ZNF451: variants seen among roughly 807,000 people sequenced by gnomAD.
ZNF451 encodes E3 SUMO-protein ligase ZNF451.
A neutral mutation model predicts 107.1 loss-of-function variants in ZNF451; 80 were observed. The observed-to-expected ratio is 0.75, with a 90% CI of 0.62 to 0.90. ZNF451 has a LOEUF of 0.90. Ranked by LOEUF, ZNF451 falls within the 40% of genes least tolerant of loss-of-function variation. The probability of loss-of-function intolerance (pLI) is 0.00; values close to 1 mark genes in which losing one functional copy is unlikely to be tolerated. For synonymous variants in ZNF451, 362 were observed against 406.5 expected (o/e 0.89, Z 1.32); for missense variants, 1,107 against 1,236.2 (o/e 0.90, Z 1.57).
chr6:57,116,939 A>C (rs1337019604), intron 3 of ZNF451: 1 of 135,690 alleles, frequency 7.4e-6, no homozygotes, highest in East Asian at 2.2e-4. Flanking sequence ...AAAACAAAAC[A>C]AAAAAAAAAA....
intron 13 of ZNF451, 63 bp downstream of exon 13, chr6:57,154,110 C>G: frequency 6.5e-7 from 1 of 1,528,210 alleles, no homozygotes; most frequent in Non-Finnish European, 9.0e-7. Context: ...CTGAGAGAAA[C>G]CAATAAACTG....
intron 14 of ZNF451, among the ~76,000 whole-genome samples, chr6:57,167,221 T>A (rs888728192): frequency 2.0e-5 from 3 of 152,020 alleles, no homozygotes; most frequent in Non-Finnish European, 2.9e-5. Context: ...ACATATAACC[T>A]ACTATCATTT....
intron 7 of ZNF451, among the ~76,000 whole-genome samples, chr6:57,138,741 A>ATATATATATATATATG (rs1365084616): frequency 4.3e-5 from 2 of 46,586 alleles, no homozygotes; most frequent in African/African-American, 9.2e-5. Context: ...ATATATATAT[A>ATATATATATATATATG]TGTGTGTGTG....
At chr6:57,152,540 C>A (rs1309019961) in intron 12 of ZNF451, among the ~76,000 whole-genome samples, 189 bp downstream of exon 12, 1 of 152,180 alleles carries the variant, frequency 6.6e-6, no homozygotes, top group Non-Finnish European at 1.5e-5. Context: ...AAACCTTCAG[C>A]TATCCATAGT....
intron 4 of ZNF451, among the ~76,000 whole-genome samples, chr6:57,125,067 ATAAAAT>A (rs1332182049): frequency 6.6e-6 from 1 of 152,154 alleles, no homozygotes; most frequent in Non-Finnish European, 1.5e-5. Context: ...AAAAGAAAAA[ATAAAAT>A]TAACTGAGTG....
At chr6:57,095,800 T>C (rs1421475448) in intron 2 of ZNF451, among the ~76,000 whole-genome samples, 2 of 150,996 alleles carry the variant, frequency 1.3e-5, no homozygotes, top group East Asian at 1.9e-4. Flanking sequence ...TAAATATTAC[T>C]GCAGCTTTTT....
chr6:57,106,690 C>T lies in ZNF451; in HGVS notation c.186+7549C>T, dbSNP rs929280246. The T allele has an allele frequency of 1.7e-5, 17 of 981,476 alleles. No individual in the cohort carries two copies. The South Asian group carries it at 8.0e-4, about 46-fold the overall frequency. The allele number at this position is 981,476 out of a possible 1,614,324, so 60.8% of individuals were successfully genotyped here. A position where few individuals can be genotyped will look rare whatever the true frequency, so the allele number is the denominator to read the frequency against. The stretch of plus-strand genomic sequence containing the variant: ...TTTAGGTTCTCTTGTCTTTTGGAAT[C>T]TATCATTCTGTATTTAATGTTAGTG... On this transcript the variant is annotated intron_variant, in intron 3 of 14. Transcript: ENST00000370706.
chr6:57,143,180 T>C (rs954584219), intron 9 of ZNF451, among the ~76,000 whole-genome samples: 5 of 152,282 alleles, frequency 3.3e-5, no homozygotes, highest in African/African-American at 1.2e-4. Flanking sequence ...AATTATACCT[T>C]TTGATGAACA....
At chr6:57,104,601 G>GT in intron 3 of ZNF451, 1 of 983,820 alleles carries the variant, frequency 1.0e-6, no homozygotes, top group Non-Finnish European at 1.2e-6. Flanking sequence ...TTAAATTGTG[G>GT]TTAAAAAAAA....
At chr6:57,135,350 C>T (rs1831378969) in intron 7 of ZNF451, among the ~76,000 whole-genome samples, 1 of 152,048 alleles carries the variant, frequency 6.6e-6, no homozygotes, top group African/African-American at 2.4e-5. Context: ...ATATGCACAT[C>T]CATGTAATAC....
chr6:57,149,615 G>A (rs1832251671), intron 10 of ZNF451, among the ~76,000 whole-genome samples: 2 of 152,160 alleles, frequency 1.3e-5, no homozygotes. Flanking sequence ...TGGGTACAGT[G>A]AGAATATGTG....
At chr6:57,109,842 A>G (rs765508698) in intron 3 of ZNF451, 1 of 516,226 alleles carries the variant, frequency 1.9e-6, no homozygotes, top group Non-Finnish European at 2.5e-6. Flanking sequence ...TTGTTATTTC[A>G]TATCTGTGTT....
chr6:57,137,052 AT>A (rs1257935659), intron 7 of ZNF451, among the ~76,000 whole-genome samples: 3 of 152,188 alleles, frequency 2.0e-5, no homozygotes, highest in African/African-American at 7.2e-5. Context: ...TGGTATCGTT[AT>A]GCTTATGTAC....
At chr6:57,159,030 TCTTA>T (rs1386861764) in intron 13 of ZNF451, 58 of 985,362 alleles carry the variant, frequency 5.9e-5, no homozygotes, top group Middle Eastern at 5.2e-4. Context: ...TGAACTTATT[TCTTA>T]AAGTCTGTCT....
chr6:57,108,428 C>T (rs1350989027), intron 3 of ZNF451: 9 of 985,072 alleles, frequency 9.1e-6, no homozygotes, highest in Non-Finnish European at 1.1e-5. Flanking sequence ...TGTTGTGGTC[C>T]CTTAATACCT....
chr6:57,096,925 G>A (rs980544292), intron 2 of ZNF451, among the ~76,000 whole-genome samples: 4 of 150,980 alleles, frequency 2.6e-5, no homozygotes, highest in Admixed American at 6.6e-5. Context: ...ACAGGTGCCC[G>A]CCACTACACC....
chr6:57,121,416 TG>T (rs751542778), intron 3 of ZNF451, among the ~76,000 whole-genome samples: 6 of 152,176 alleles, frequency 3.9e-5, no homozygotes, highest in Non-Finnish European at 7.4e-5. Context: ...CAAAAAATAA[TG>T]TTAGGATTTT....
At chr6:57,101,996 A>G in intron 3 of ZNF451, 1 of 1,550,552 alleles carries the variant, frequency 6.4e-7, no homozygotes, top group Non-Finnish European at 8.7e-7. Flanking sequence ...CATTATCACA[A>G]TAGAGGATAC....
At chr6:57,101,366 A>G in intron 3 of ZNF451, 1 of 1,550,620 alleles carries the variant, frequency 6.4e-7, no homozygotes, top group Non-Finnish European at 8.7e-7. Flanking sequence ...GACCCTGCTG[A>G]TTGCCATCCT....
Sources: gnomAD v4.1 joint callset for allele counts (sites outside exome capture counted in the v4.1 genomes callset) on GRCh38, gnomAD v4.1.1 for gene constraint, MANE v1.5 for transcripts, NCBI Gene and HGNC (gene_info 2026-07-23, HGNC 2026-07-21) for gene names.